Variants in SNX29 observed in about 807,000 individuals in gnomAD.
SNX29 encodes the protein sorting nexin-29.
In SNX29, 78 loss-of-function variants were observed where a neutral mutation model predicts 102.1. The ratio of observed to expected loss-of-function variants is 0.76; its 90% CI spans 0.64 to 0.92. The LOEUF (loss-of-function observed/expected upper bound fraction) is 0.92, where lower values mean the gene tolerates loss of function less well. Among genes scored for constraint, SNX29 ranks in the 40% least tolerant of loss-of-function variants. The pLI, the probability that SNX29 is intolerant of heterozygous loss-of-function variation, is 0.00. For synonymous variants in SNX29, 580 were observed against 414.5 expected, an observed-to-expected ratio of 1.40 and a Z score of -4.85; for missense variants, 1,280 against 1,061.7, an observed-to-expected ratio of 1.21 and a Z score of -2.86.
At chr16:12,502,444 T>TTGC (rs1229549587) in intron 19 of SNX29, among the ~76,000 whole-genome samples, 1 of 152,136 alleles carries the variant, frequency 6.6e-6, no homozygotes, top group Non-Finnish European at 1.5e-5. Flanking sequence ...GTGGTGGTGG[T>TTGC]TGCTAGGCTG....
intron 18 of SNX29, among the ~76,000 whole-genome samples, chr16:12,438,792 C>T (rs558406132): frequency 4.1e-4 from 62 of 152,280 alleles, no homozygotes; most frequent in African/African-American, 1.4e-3. Flanking sequence ...TGAGTTGGAG[C>T]TAACCAGGTG....
At chr16:12,137,369 CT>C in intron 13 of SNX29, among the ~76,000 whole-genome samples, 1 of 152,346 alleles carries the variant, frequency 6.6e-6, no homozygotes, top group East Asian at 1.9e-4. Context: ...TCTTAGAGCC[CT>C]TGGCCCCTGG....
chr16:12,572,476 C>A lies in SNX29; in HGVS notation c.*3847C>A. 3 of 1,063,834 alleles carry A rather than the reference C, an allele frequency of 2.8e-6. No individual in the cohort carries two copies. The highest frequency in any genetic ancestry group is 3.4e-6 in the Non-Finnish European group (3 of 878,368). The allele number at this position is 1,063,834 out of a possible 1,614,324, so 65.9% of individuals were successfully genotyped here. On this transcript the variant is annotated 3_prime_UTR_variant, in exon 21 of 21. Coordinates refer to ENST00000566228, the MANE Select transcript of SNX29 (RefSeq NM_032167.5). ...GGTACATTTTGCCAACCCTGAGGAC[C>A]AGTTCTTGGGGTTCCAGGCCTCGGC... is the stretch of plus-strand genomic sequence containing the variant.
chr16:12,203,946 C>T (rs2076981565), intron 14 of SNX29, among the ~76,000 whole-genome samples: 1 of 152,198 alleles, frequency 6.6e-6, no homozygotes, highest in Non-Finnish European at 1.5e-5. Context: ...CGTCCTCCCT[C>T]ACTGTCAGTC....
At chr16:12,102,674 C>T (rs537380258) in intron 11 of SNX29, among the ~76,000 whole-genome samples, 1 of 152,304 alleles carries the variant, frequency 6.6e-6, no homozygotes, top group African/African-American at 2.4e-5. Flanking sequence ...CCTCTCTCGC[C>T]ACTCCTATTC....
chr16:12,311,761 T>C (rs1372303003), intron 15 of SNX29, among the ~76,000 whole-genome samples: 1 of 152,250 alleles, frequency 6.6e-6, no homozygotes, highest in Non-Finnish European at 1.5e-5. Context: ...TGGCCATCTC[T>C]GTACATCTCT....
intron 20 of SNX29, among the ~76,000 whole-genome samples, chr16:12,528,037 G>T (rs2076833686): frequency 6.6e-6 from 1 of 151,684 alleles, no homozygotes; most frequent in Admixed American, 6.6e-5. Flanking sequence ...GTGTTAGCCA[G>T]GATGGTCTCG....
At chr16:12,561,282 G>A (rs780891135) in intron 20 of SNX29, 31 of 230,318 alleles carry the variant, frequency 1.3e-4, no homozygotes, top group Non-Finnish European at 2.0e-4. Context: ...TAAGACACAG[G>A]GAGAACATTC....
At chr16:12,452,563 G>C (rs1444800058) in intron 18 of SNX29, among the ~76,000 whole-genome samples, 1 of 152,176 alleles carries the variant, frequency 6.6e-6, no homozygotes, top group East Asian at 1.9e-4. Context: ...GGTGAAGGAT[G>C]GCTTTGTGGA....
chr16:12,560,063 A>AGTCATTTTTCTTTG (rs1567201281), intron 20 of SNX29, among the ~76,000 whole-genome samples: 16 of 152,174 alleles, frequency 1.1e-4, no homozygotes, highest in Middle Eastern at 3.4e-3. Context: ...CTAGAAAACT[A>AGTCATTTTTCTTTG]TGTAACTACT....
rs1361088976 is a variant in SNX29, at chr16:12,087,708, A to C, written c.1402+8793A>C. 7.9e-6 allele frequency: 3 copies of C among 381,990 alleles called. No homozygotes were observed. In the East Asian group the frequency reaches 2.2e-4, roughly 28 times the overall value. 23.7% of individuals were successfully genotyped at this position (381,990 alleles called of 1,614,324 possible). A position where few individuals can be genotyped will look rare whatever the true frequency, so the allele number is the denominator to read the frequency against. ...TTACAGCAACCCAGAAGGTACAGGC[A>C]TTACTGGTCCATTGTACAGATGAGA... On this transcript the variant is annotated intron_variant, in intron 11 of 20. Coordinates refer to ENST00000566228, the MANE Select transcript of SNX29 (RefSeq NM_032167.5).
chr16:12,124,465 G>C (rs1386665980), intron 11 of SNX29, among the ~76,000 whole-genome samples: 1 of 152,084 alleles, frequency 6.6e-6, no homozygotes, highest in East Asian at 1.9e-4. Context: ...TGTTAGATGT[G>C]CCCTTGATGT....
At chr16:12,479,665 C>G (rs1332961798) in intron 19 of SNX29, among the ~76,000 whole-genome samples, 1 of 152,194 alleles carries the variant, frequency 6.6e-6, no homozygotes, top group East Asian at 1.9e-4. Context: ...TCTAATGACC[C>G]ATAGGCTCAT....
At chr16:12,522,046 T>G (rs528460364) in intron 19 of SNX29, among the ~76,000 whole-genome samples, 186 of 152,204 alleles carry the variant, frequency 1.2e-3, no homozygotes, top group African/African-American at 4.3e-3. Flanking sequence ...GTTGTGACTT[T>G]GGAGTGGCCC....
At chr16:12,497,518 G>T (rs2088890814) in intron 19 of SNX29, among the ~76,000 whole-genome samples, 1 of 152,186 alleles carries the variant, frequency 6.6e-6, no homozygotes, top group African/African-American at 2.4e-5. Flanking sequence ...TCATGTATTG[G>T]CTTGTGTAAC....
At chr16:12,505,088 A>T (rs1428281519) in intron 19 of SNX29, among the ~76,000 whole-genome samples, 2 of 152,196 alleles carry the variant, frequency 1.3e-5, no homozygotes, top group Non-Finnish European at 2.9e-5. Context: ...TGGGCAACAT[A>T]GTGAGACTCT....
At chr16:12,413,031 G>A (rs923085228) in intron 18 of SNX29, among the ~76,000 whole-genome samples, 11 of 152,172 alleles carry the variant, frequency 7.2e-5, no homozygotes, top group African/African-American at 2.7e-4. Flanking sequence ...GGCTGGGGAG[G>A]TTAGAGCATG....
In SNX29 at chr16:12,568,735, T is replaced by C. The variant is rs1441064753; in HGVS notation, c.*106T>C. 5.4e-6 allele frequency: 8 copies of C among 1,473,362 alleles called. No homozygotes were observed. The African/African-American group carries it at 1.1e-4, about 21-fold the overall frequency. The allele number at this position is 1,473,362 out of a possible 1,614,324, so 91.3% of individuals were successfully genotyped here. A position where few individuals can be genotyped will look rare whatever the true frequency, so the allele number is the denominator to read the frequency against. On this transcript the variant is annotated 3_prime_UTR_variant, in exon 21 of 21. Coordinates refer to ENST00000566228, the MANE Select transcript of SNX29 (RefSeq NM_032167.5). ...CAGCGTGACAACCACGTCCACCTGG[T>C]GATCCTGAGAGCACACGATTCCCAA... is the stretch of plus-strand genomic sequence containing the variant.
At chr16:12,053,488 A>G (rs1302545604) in intron 8 of SNX29, among the ~76,000 whole-genome samples, 2 of 151,876 alleles carry the variant, frequency 1.3e-5, no homozygotes, top group East Asian at 3.9e-4. Flanking sequence ...TAAGGCCAGG[A>G]GTTTGATACC....
Sources: gnomAD v4.1 joint callset for allele counts (sites outside exome capture counted in the v4.1 genomes callset) on GRCh38, gnomAD v4.1.1 for gene constraint, MANE v1.5 for transcripts, NCBI Gene and HGNC (gene_info 2026-07-23, HGNC 2026-07-21) for gene names.